The following MSH4 variants were observed in gnomAD, a reference collection of about 807,000 sequenced individuals.
MSH4 encodes the protein mutS homolog 4.
MSH4 carries 106 observed loss-of-function variants against 113.7 expected under a neutral mutation model. That is an observed-to-expected ratio of 0.93 (90% confidence interval 0.80 to 1.10). The LOEUF is 1.10. MSH4 is among the 50% of genes least tolerant of loss of function. The probability of loss-of-function intolerance (pLI) is 0.00; values close to 1 mark genes in which losing one functional copy is unlikely to be tolerated. For synonymous variants in MSH4, 368 were observed against 380.2 expected (o/e 0.97, Z 0.37); for missense variants, 1,061 against 1,093.7 (o/e 0.97, Z 0.42).
At chr1:75,862,875 A>G (rs1651488509) in intron 8 of MSH4, among the ~76,000 whole-genome samples, 1 of 152,144 alleles carries the variant, frequency 6.6e-6, no homozygotes, top group African/African-American at 2.4e-5. Context: ...GATTCCTAGA[A>G]AATGCATGTT....
chr1:75,906,241 T>C (rs1652627294), intron 19 of MSH4, among the ~76,000 whole-genome samples: 2 of 150,910 alleles, frequency 1.3e-5, no homozygotes, highest in Admixed American at 1.3e-4. Context: ...CTTGTTTTTT[T>C]AATCCATTTA....
At chr1:75,823,646 G>A (rs1033414355) in intron 7 of MSH4, among the ~76,000 whole-genome samples, 1 of 151,946 alleles carries the variant, frequency 6.6e-6, no homozygotes. Flanking sequence ...CCACTGACAG[G>A]CCCCAGTGTG....
At chr1:75,861,760 G>A (rs989868104) in intron 8 of MSH4, among the ~76,000 whole-genome samples, 10 of 152,176 alleles carry the variant, frequency 6.6e-5, no homozygotes, top group African/African-American at 9.7e-5. Flanking sequence ...TCTGTTATTG[G>A]GGCTCAAACA....
intron 17 of MSH4, among the ~76,000 whole-genome samples, chr1:75,893,876 G>A (rs878879928): frequency 6.6e-6 from 1 of 152,094 alleles, no homozygotes; most frequent in South Asian, 2.1e-4. Flanking sequence ...GTTAGAAAGC[G>A]ATCTAACAGT....
intron 15 of MSH4, among the ~76,000 whole-genome samples, chr1:75,885,349 A>G (rs60363071): frequency 0.07 from 8,135 of 116,130 alleles, 381 homozygotes; most frequent in African/African-American, 0.14. Flanking sequence ...GTGTATATAT[A>G]TATATATAAA....
Position 75,880,150 on chromosome 1 carries a change from A to T in MSH4, c.1778A>T (p.Tyr593Phe), listed in dbSNP as rs139073578. 28 of 1,480,576 alleles carry T rather than the reference A, an allele frequency of 1.9e-5. 1 individual carries two copies. The South Asian group carries it at 2.9e-4, about 15-fold the overall frequency. 91.7% of individuals were successfully genotyped at this position (1,480,576 alleles called of 1,614,324 possible). The change falls in exon 13 of 20, where the codon TAT (tyrosine) becomes TTT (phenylalanine). Residue 593 changes from tyrosine to phenylalanine, a missense_variant. Physicochemically the swap from Tyr to Phe is conservative, Grantham distance 22. Coordinates refer to ENST00000263187, the MANE Select transcript of MSH4 (RefSeq NM_002440.4). ...ESLREIYHMT[Y>F]MIVCKLLSEI... is the part of the protein sequence containing the mutation. ...TTGAGAGAAATCTATCACATGACTT[A>T]TATGTAAGAGCATTTGAAGTATTTG...
intron 19 of MSH4, among the ~76,000 whole-genome samples, chr1:75,908,342 C>T (rs1396430830): frequency 1.3e-5 from 2 of 151,950 alleles, no homozygotes; most frequent in Non-Finnish European, 2.9e-5. Flanking sequence ...AATGGAGTTT[C>T]ACTGTGTTGG....
At chr1:75,860,759 G>A (rs1422042095) in intron 8 of MSH4, among the ~76,000 whole-genome samples, 2 of 152,140 alleles carry the variant, frequency 1.3e-5, no homozygotes, top group Non-Finnish European at 1.5e-5. Flanking sequence ...CTCTTCTTGA[G>A]GAGTATCTTT....
chr1:75,883,285 A>G (rs932362274), intron 14 of MSH4, among the ~76,000 whole-genome samples: 1 of 150,514 alleles, frequency 6.6e-6, no homozygotes, highest in Non-Finnish European at 1.5e-5. Context: ...AAATGCTGGG[A>G]TTACCAGCAT....
At position 75,879,023 on chromosome 1, in the gene MSH4, T is replaced by G. The variant is rs953218865; in HGVS notation, c.1572T>G (p.Ser524Arg). The change falls in exon 12 of 20, where the codon AGT becomes AGG. Residue 524 changes from serine (S) to arginine (R), a missense_variant. Coordinates refer to ENST00000263187, the MANE Select transcript of MSH4 (RefSeq NM_002440.4). ...GMISQLGEKY[S>R]LPLRTSFSSA... ...TATCACAACTTGGAGAAAAATATAG[T>G]CTACCTTTAAGGACAAGTTTTAGCT... The G allele has an allele frequency of 1.2e-6, 2 of 1,610,422 alleles. No individual in the cohort carries two copies. Among genetic ancestry groups the G allele is most frequent in the African/African-American group, 2.7e-5 (2 of 74,874 alleles).
rs1449404681 is a variant in MSH4, at chr1:75,883,681, A to C, written c.1967A>C (p.Lys656Thr). The C allele has an allele frequency of 6.2e-7, 1 of 1,613,484 alleles. No homozygotes were observed. Among genetic ancestry groups the C allele is most frequent in the Non-Finnish European group, 8.5e-7 (1 of 1,179,710 alleles). Residue 656 changes from lysine (K) to threonine (T), a missense_variant, in exon 15 of 20, where the codon AAA (lysine) becomes ACA (threonine). By Grantham distance (78) the Lys-to-Thr change is moderately conservative. Transcript: ENST00000263187. ...CAGGGATGGCATCCTATTCTTGAAA[A>C]AATATCTGCGGAAAAACCTATTGCC... The part of the protein sequence containing the change: ...IKQGWHPILE[K>T]ISAEKPIANN...
chr1:75,889,433 A>G, intron 16 of MSH4, 64 bp downstream of exon 16: 1 of 700,822 alleles, frequency 1.4e-6, no homozygotes, highest in Non-Finnish European at 2.4e-6. Context: ...GCCAGTTATC[A>G]CATAAAATAT....
intron 2 of MSH4, among the ~76,000 whole-genome samples, chr1:75,805,278 C>G (rs539057468): frequency 1.1e-4 from 17 of 151,934 alleles, no homozygotes; most frequent in African/African-American, 3.9e-4. Flanking sequence ...ATACATAAAG[C>G]TTTTTTCTGA....
intron 9 of MSH4, among the ~76,000 whole-genome samples, chr1:75,871,350 C>A (rs532664314): frequency 1.3e-5 from 2 of 152,166 alleles, no homozygotes; most frequent in East Asian, 3.9e-4. Flanking sequence ...GGTGGGGAGA[C>A]AAACCCTAAC....
At chr1:75,876,020 G>C (rs1352593245) in intron 9 of MSH4, among the ~76,000 whole-genome samples, 3 of 152,104 alleles carry the variant, frequency 2.0e-5, no homozygotes, top group African/African-American at 7.2e-5. Flanking sequence ...ATTACCTCAG[G>C]CTATGTGTAT....
At position 75,834,537 on chromosome 1, in the gene MSH4, C is replaced by G. The variant is rs1050494169; in HGVS notation, c.1162+11956C>G. Among the ~76,000 whole-genome samples the G allele has an allele frequency of 5.9e-5, 9 of 152,320 alleles. 1 individual carries two copies. Among genetic ancestry groups the G allele is most frequent in the African/African-American group, 1.9e-4 (8 of 41,572 alleles). On this transcript the variant is annotated intron_variant, in intron 7 of 19. Transcript: ENST00000263187. ...AAAGACTTGGAACTAACCCAGGTGT[C>G]CAACAATGATAGACTGGATTAAGAA...
At chr1:75,852,528 T>C (rs544168801) in intron 8 of MSH4, among the ~76,000 whole-genome samples, 1 of 152,306 alleles carries the variant, frequency 6.6e-6, no homozygotes, top group Non-Finnish European at 1.5e-5. Context: ...TTTCTCCACA[T>C]CCTTGTCAAG....
chr1:75,843,905 G>A (rs903047020), intron 7 of MSH4, among the ~76,000 whole-genome samples: 3 of 151,862 alleles, frequency 2.0e-5, no homozygotes, highest in South Asian at 2.1e-4. Context: ...TCCGCCTCCC[G>A]GGTTCAAGCG....
intron 15 of MSH4, among the ~76,000 whole-genome samples, chr1:75,886,067 A>G (rs1652096819): frequency 2.0e-5 from 1 of 48,874 alleles, no homozygotes; most frequent in Non-Finnish European, 3.3e-5. Context: ...TATAGCATGT[A>G]TAGTATATAT....
Sources: allele counts gnomAD v4.1 joint callset (sites outside exome capture counted in the v4.1 genomes callset), GRCh38; gene constraint gnomAD v4.1.1; transcripts MANE v1.5; gene names NCBI Gene and HGNC (gene_info 2026-07-23, HGNC 2026-07-21).